The following SLF1 variants were observed in gnomAD, a reference collection of about 807,000 sequenced individuals.
The protein encoded by SLF1 is SMC5-SMC6 complex localization factor protein 1.
A neutral mutation model predicts 123.0 loss-of-function variants in SLF1; 105 were observed. That is an observed-to-expected ratio of 0.85 (90% CI 0.73 to 1.00). The LOEUF (loss-of-function observed/expected upper bound fraction) is 1.00. Ranked by LOEUF, SLF1 falls within the 50% of genes least tolerant of loss-of-function variation. The pLI is 0.00. For synonymous variants in SLF1, 434 were observed against 406.6 expected (o/e 1.07, Z -0.81); for missense variants, 1,239 against 1,223.0 (o/e 1.01, Z -0.20).
At chr5:94,634,694 G>T (rs1732612907) in intron 4 of SLF1, among the ~76,000 whole-genome samples, 1 of 152,108 alleles carries the variant, frequency 6.6e-6, no homozygotes, top group Non-Finnish European at 1.5e-5. Context: ...CCAACAACTA[G>T]GGAATACCAG....
intron 14 of SLF1, among the ~76,000 whole-genome samples, chr5:94,672,874 A>T (rs1006085152): frequency 3.3e-5 from 5 of 152,140 alleles, no homozygotes; most frequent in Non-Finnish European, 7.4e-5. Flanking sequence ...ATGCTTTTAA[A>T]TTGCATTTGA....
chr5:94,622,154 A>T (rs1791859054), intron 1 of SLF1, among the ~76,000 whole-genome samples: 1 of 152,210 alleles, frequency 6.6e-6, no homozygotes, highest in Admixed American at 6.5e-5. Context: ...TCAAACAGAG[A>T]TCCAACACTT....
chr5:94,691,694 A>C, intron 19 of SLF1, 38 bp downstream of exon 19: 1 of 1,453,138 alleles, frequency 6.9e-7, no homozygotes, highest in African/African-American at 1.4e-5. Context: ...CCAATGTCTT[A>C]ATATTTGTGA....
At chr5:94,654,406 AAAAG>A (rs973591073) in intron 8 of SLF1, among the ~76,000 whole-genome samples, 8 of 151,862 alleles carry the variant, frequency 5.3e-5, no homozygotes, top group Non-Finnish European at 1.2e-4. Flanking sequence ...AAAAAAAAAA[AAAAG>A]AAAGTACATA....
Position 94,619,285 on chromosome 5 carries a change from A to AT in SLF1, c.-1+520_-1+521insT, listed in dbSNP as rs1791392175. ...TGTGTCATTCTTTCCTCTCTAGTAGAATTTTTTTTTTTTAAACTGCTAAAA... is the reference window on the plus strand; with the variant it reads ...TGTGTCATTCTTTCCTCTCTAGTAGATATTTTTTTTTTTTAAACTGCTAAAA... On this transcript the variant is annotated intron_variant, in intron 1 of 20. Transcript: ENST00000265140. 2.0e-5 allele frequency among the ~76,000 whole-genome samples: 3 copies of AT among 148,558 alleles called. No homozygotes were observed. The South Asian group carries it at 6.6e-4, about 33-fold the overall frequency.
chr5:94,695,409 T>G lies in SLF1; in HGVS notation c.*97T>G. The G allele has an allele frequency of 7.4e-7, 1 of 1,354,808 alleles. No individual in the cohort carries two copies. Among genetic ancestry groups the G allele is most frequent in the Non-Finnish European group, 9.7e-7 (1 of 1,032,614 alleles). 83.9% of individuals were successfully genotyped at this position (1,354,808 alleles called of 1,614,324 possible). ...GCTTACTGACAGATAGTAATTTGAT[T>G]TATTTATTGACAGACTTTGCAGCCT... On this transcript the variant is annotated 3_prime_UTR_variant, in exon 21 of 21. Transcript: ENST00000265140.
At position 94,688,567 on chromosome 5, in the gene SLF1, T is replaced by A. The variant is rs755185255; in HGVS notation, c.2183T>A (p.Val728Glu). ...GTGCTTGGGTCTGGAAAGATTCAGG[T>A]GTCAAAGAAAATAGGACAGCGGCCT... ...TGVLGSGKIQ[V>E]SKKIGQRPCF... Residue 728 changes from valine (V) to glutamate (E), a missense_variant, in exon 17 of 21, where the codon GTG becomes GAG. Val to Glu is a moderately radical substitution (Grantham distance 121, BLOSUM62 -2). Transcript: ENST00000265140. The A allele has an allele frequency of 3.7e-6, 6 of 1,614,100 alleles. No homozygotes were observed. Among genetic ancestry groups the A allele is most frequent in the Non-Finnish European group, 5.1e-6 (6 of 1,179,974 alleles).
At chr5:94,651,679 A>G (rs774985142) in intron 6 of SLF1, 23 bp from the exon 7 acceptor site, 2 of 1,502,638 alleles carry the variant, frequency 1.3e-6, no homozygotes, top group East Asian at 2.6e-5. Context: ...AGTCTTAACT[A>G]AATTATGTTT....
chr5:94,641,900 T>G lies in SLF1; in HGVS notation c.432-1373T>G, dbSNP rs184743277. Among the ~76,000 whole-genome samples the G allele has an allele frequency of 2.6e-5, 4 of 152,340 alleles. No individual in the cohort carries two copies. In the East Asian group the frequency reaches 7.7e-4, roughly 29 times the overall value. On this transcript the variant is annotated intron_variant, in intron 4 of 20. Transcript: ENST00000265140. ...AGGGTTTCCGGCCTCTCCCCCAGTA[T>G]TAGATCTCTCTTGTGTATTGATACA... is the stretch of plus-strand genomic sequence containing the variant.
intron 8 of SLF1, among the ~76,000 whole-genome samples, chr5:94,654,026 C>G (rs1748081481): frequency 6.6e-6 from 1 of 151,980 alleles, no homozygotes; most frequent in African/African-American, 2.4e-5. Flanking sequence ...AAAAAATTAG[C>G]TGGCATGGTA....
intron 15 of SLF1, among the ~76,000 whole-genome samples, chr5:94,686,281 A>G (rs1462775726): frequency 1.3e-5 from 2 of 152,216 alleles, no homozygotes; most frequent in Non-Finnish European, 2.9e-5. Flanking sequence ...TCCCCTCTAT[A>G]TATTCATATA....
At chr5:94,643,636 A>C (rs1746687432) in intron 5 of SLF1, among the ~76,000 whole-genome samples, 1 of 152,166 alleles carries the variant, frequency 6.6e-6, no homozygotes, top group African/African-American at 2.4e-5. Flanking sequence ...AAAGAAGCTT[A>C]CTAGTTAAGT....
intron 4 of SLF1, among the ~76,000 whole-genome samples, chr5:94,641,603 A>G (rs1238747047): frequency 6.6e-6 from 1 of 152,136 alleles, no homozygotes; most frequent in Non-Finnish European, 1.5e-5. Flanking sequence ...AGCGTTTCTC[A>G]TCACTATTCT....
chr5:94,622,050 A>G (rs947094055), intron 1 of SLF1, among the ~76,000 whole-genome samples: 13 of 152,246 alleles, frequency 8.5e-5, no homozygotes, highest in African/African-American at 3.1e-4. Context: ...AAGGGGCCAG[A>G]ATTTCTAAAC....
intron 9 of SLF1, among the ~76,000 whole-genome samples, 179 bp from the exon 10 acceptor site, chr5:94,662,119 G>A (rs1749193823): frequency 1.3e-5 from 2 of 152,216 alleles, no homozygotes; most frequent in East Asian, 3.9e-4. Context: ...GCTCATAGTC[G>A]TGAGAGTTCC....
intron 1 of SLF1, among the ~76,000 whole-genome samples, chr5:94,621,482 T>TA (rs1211697245): frequency 6.6e-6 from 1 of 152,158 alleles, no homozygotes; most frequent in East Asian, 1.9e-4. Flanking sequence ...TGTTCAACCT[T>TA]AGACGTATGG....
chr5:94,645,571 T>C (rs1746933595), intron 5 of SLF1, among the ~76,000 whole-genome samples: 1 of 152,236 alleles, frequency 6.6e-6, no homozygotes, highest in African/African-American at 2.4e-5. Context: ...ATATTAATTT[T>C]CTTTTTTACT....
chr5:94,685,045 A>G (rs1441427480), intron 15 of SLF1, among the ~76,000 whole-genome samples: 1 of 152,212 alleles, frequency 6.6e-6, no homozygotes, highest in Non-Finnish European at 1.5e-5. Flanking sequence ...AAATTACCAA[A>G]TGTTACCTGA....
Position 94,695,305 on chromosome 5 carries a change from T to C in SLF1, c.3170T>C (p.Phe1057Ser), listed in dbSNP as rs372150275. Residue 1057 changes from phenylalanine to serine, a missense_variant, in exon 21 of 21, where the codon TTT (phenylalanine) becomes TCT (serine). Physicochemically the swap from Phe to Ser is radical, Grantham distance 155. Coordinates refer to ENST00000265140, the MANE Select transcript of SLF1 (RefSeq NM_032290.4). Reference sequence around the variant, plus strand: ...ATGATGTGTCGGTCAGTCATGGAGTTTTCATGATGATGCTAGAAAGTATGG... The same window carrying C: ...ATGATGTGTCGGTCAGTCATGGAGTCTTCATGATGATGCTAGAAAGTATGG... ...LEMMCRSVME[F>S]S The C allele has an allele frequency of 1.7e-4, 268 of 1,603,200 alleles. No homozygotes were observed. The highest frequency in any genetic ancestry group is 2.1e-4 in the Non-Finnish European group (250 of 1,173,918).
Sources: allele counts gnomAD v4.1 joint callset (sites outside exome capture counted in the v4.1 genomes callset), GRCh38; gene constraint gnomAD v4.1.1; transcripts MANE v1.5; gene names NCBI Gene and HGNC (gene_info 2026-07-23, HGNC 2026-07-21).